Variants in SNAPC1 observed in about 807,000 individuals in gnomAD.
SNAPC1 encodes snRNA-activating protein complex subunit 1.
SNAPC1 carries 42 observed loss-of-function variants against 50.1 expected under a neutral mutation model. The ratio of observed to expected loss-of-function variants is 0.84; its 90% confidence interval spans 0.65 to 1.08. SNAPC1 has a LOEUF of 1.08. SNAPC1 is among the 50% of genes least tolerant of loss of function. SNAPC1 has a pLI of 0.00. For synonymous variants in SNAPC1, 164 were observed against 144.2 expected (o/e 1.14, Z -0.98); for missense variants, 477 against 427.3 (o/e 1.12, Z -1.02).
At chr14:61,787,028 C>T (rs1040553915) in intron 8 of SNAPC1, among the ~76,000 whole-genome samples, 1 of 152,210 alleles carries the variant, frequency 6.6e-6, no homozygotes. Flanking sequence ...TGAAAGAAGA[C>T]AGACACAAAA....
intron 5 of SNAPC1, 61 bp from the exon 6 acceptor site, chr14:61,778,011 G>A: frequency 2.7e-6 from 2 of 750,664 alleles, no homozygotes; most frequent in Non-Finnish European, 4.2e-6. Context: ...TTGATTTGCA[G>A]TTAATTGAAT....
At chr14:61,775,931 T>C (rs977523569) in intron 4 of SNAPC1, among the ~76,000 whole-genome samples, 164 bp from the exon 5 acceptor site, 12 of 152,206 alleles carry the variant, frequency 7.9e-5, no homozygotes, top group Admixed American at 5.2e-4. Context: ...GTTAATGAAG[T>C]TGTACTATTT....
intron 5 of SNAPC1, among the ~76,000 whole-genome samples, chr14:61,777,056 A>G (rs985226523): frequency 1.8e-4 from 27 of 152,240 alleles, no homozygotes; most frequent in African/African-American, 6.0e-4. Flanking sequence ...ATTTCTGATT[A>G]CTTACTATGT....
intron 8 of SNAPC1, among the ~76,000 whole-genome samples, chr14:61,783,778 T>C (rs1013474714): frequency 7.2e-5 from 11 of 152,120 alleles, no homozygotes; most frequent in Admixed American, 2.0e-4. Flanking sequence ...GACTTCGTGA[T>C]TCGCCCGCCT....
chr14:61,767,530 C>T (rs925534094), intron 3 of SNAPC1, among the ~76,000 whole-genome samples, 178 bp downstream of exon 3: 1 of 151,638 alleles, frequency 6.6e-6, no homozygotes, highest in Non-Finnish European at 1.5e-5. Context: ...GTGGCACCAT[C>T]TCGGCTGACT....
At chr14:61,782,601 G>A (rs889637512) in intron 8 of SNAPC1, among the ~76,000 whole-genome samples, 7 of 152,102 alleles carry the variant, frequency 4.6e-5, no homozygotes, top group South Asian at 2.1e-4. Context: ...CAAATGTATC[G>A]TTTTATAGAT....
chr14:61,773,155 A>G (rs2045005820), intron 4 of SNAPC1, among the ~76,000 whole-genome samples: 1 of 148,122 alleles, frequency 6.8e-6, no homozygotes, highest in South Asian at 2.1e-4. Context: ...GTTAAGAGGC[A>G]TAATAAAATG....
intron 1 of SNAPC1, among the ~76,000 whole-genome samples, 160 bp from the exon 2 acceptor site, chr14:61,766,716 C>A (rs1292235920): frequency 1.3e-5 from 2 of 152,130 alleles, no homozygotes; most frequent in Non-Finnish European, 2.9e-5. Flanking sequence ...GTTGCCTTTG[C>A]CTTGGTGTAA....
At chr14:61,789,217 CAAGACTCCA>C (rs1245488450) in intron 8 of SNAPC1, among the ~76,000 whole-genome samples, 2 of 122,592 alleles carry the variant, frequency 1.6e-5, no homozygotes, top group South Asian at 2.8e-4. Flanking sequence ...GGTGACAGAG[CAAGACTCCA>C]TCTCAAAAAA....
chr14:61,763,696 C>T (rs1173204454), intron 1 of SNAPC1, among the ~76,000 whole-genome samples: 1 of 152,062 alleles, frequency 6.6e-6, no homozygotes, highest in Non-Finnish European at 1.5e-5. Context: ...TTTTATGTCA[C>T]CGCTTTCCAC....
At chr14:61,775,856 A>G (rs550110528) in intron 4 of SNAPC1, among the ~76,000 whole-genome samples, 1 of 152,176 alleles carries the variant, frequency 6.6e-6, no homozygotes, top group Non-Finnish European at 1.5e-5. Flanking sequence ...AGTGTATCTT[A>G]TATCTTAGTT....
chr14:61,768,807 T>C (rs2140175268), intron 4 of SNAPC1, 67 bp downstream of exon 4: 14 of 768,110 alleles, frequency 1.8e-5, no homozygotes, highest in Non-Finnish European at 2.9e-5. Context: ...ATATTGAGGT[T>C]ATACCTTCAT....
chr14:61,791,403 A>G (rs1020770018), intron 8 of SNAPC1, among the ~76,000 whole-genome samples: 1 of 152,044 alleles, frequency 6.6e-6, no homozygotes. Context: ...TACATTTATC[A>G]TTTTTGTAAT....
Position 61,782,330 on chromosome 14 carries a change from A to C in SNAPC1, c.909A>C (p.Ala303=). ...DSASGQGQVK[A]TRKKEKKERL... is the part of the protein sequence containing the mutation. ...CATCTGGTCAAGGGCAAGTCAAAGC[A>C]ACTAGGAAAAAAGAGAAGAAAGAAA... The change falls in exon 8 of 10, where the codon GCA becomes GCC. Residue 303 remains alanine, a synonymous_variant. Transcript: ENST00000216294. 6.2e-7 allele frequency: 1 copy of C among 1,613,648 alleles called. No homozygotes were observed. The highest frequency in any genetic ancestry group is 8.5e-7 in the Non-Finnish European group (1 of 1,179,750).
At chr14:61,768,325 T>TG (rs2044963785) in intron 3 of SNAPC1, among the ~76,000 whole-genome samples, 1 of 146,810 alleles carries the variant, frequency 6.8e-6, no homozygotes, top group Non-Finnish European at 1.5e-5. Flanking sequence ...TAATAGCATT[T>TG]GTTTTTTTTT....
At chr14:61,783,016 C>CTTTTT (rs1191462174) in intron 8 of SNAPC1, among the ~76,000 whole-genome samples, 10 of 125,940 alleles carry the variant, frequency 7.9e-5, no homozygotes, top group African/African-American at 1.2e-4. Context: ...TTTTCCAGTG[C>CTTTTT]ATTTTTTTTT....
At chr14:61,773,460 T>C (rs374637081) in intron 4 of SNAPC1, among the ~76,000 whole-genome samples, 1 of 148,032 alleles carries the variant, frequency 6.8e-6, no homozygotes, top group Non-Finnish European at 1.5e-5. Context: ...TGGAGTGCGA[T>C]CTTGGCTCAC....
At chr14:61,768,223 C>T (rs1482936670) in intron 3 of SNAPC1, among the ~76,000 whole-genome samples, 1 of 152,220 alleles carries the variant, frequency 6.6e-6, no homozygotes, top group Non-Finnish European at 1.5e-5. Flanking sequence ...TTAGATTTGG[C>T]ATCTGCATTT....
chr14:61,772,686 G>A (rs1273403427), intron 4 of SNAPC1, among the ~76,000 whole-genome samples: 3 of 152,240 alleles, frequency 2.0e-5, no homozygotes, highest in African/African-American at 7.2e-5. Flanking sequence ...CACCATGGTT[G>A]TCCGGTTTTA....
Sources: allele counts gnomAD v4.1 joint callset (sites outside exome capture counted in the v4.1 genomes callset), GRCh38; gene constraint gnomAD v4.1.1; transcripts MANE v1.5; gene names NCBI Gene and HGNC (gene_info 2026-07-23, HGNC 2026-07-21).